Variants in ZNF566 observed in about 807,000 individuals in gnomAD.
The protein encoded by ZNF566 is zinc finger protein 566.
ZNF566 carries 27 observed loss-of-function variants against 32.8 expected under a neutral mutation model. That is an observed-to-expected ratio of 0.82 (90% confidence interval 0.61 to 1.14). ZNF566 has a LOEUF of 1.14. Among genes scored for constraint, ZNF566 ranks in the 50% most tolerant of loss-of-function variants. The pLI is 0.00. For missense variants in ZNF566, 402 were observed against 490.4 expected (o/e 0.82, Z 1.70); for synonymous variants, 154 against 159.5 (o/e 0.97, Z 0.26).
At chr19:36,455,746 AAAG>A (rs1348199239) in intron 4 of ZNF566, among the ~76,000 whole-genome samples, 1 of 131,702 alleles carries the variant, frequency 7.6e-6, no homozygotes, top group African/African-American at 2.9e-5. Flanking sequence ...TCTCAAAAAA[AAAG>A]AAGTAATAAG....
intron 4 of ZNF566, among the ~76,000 whole-genome samples, chr19:36,469,891 T>C (rs2033719902): frequency 6.6e-6 from 1 of 151,932 alleles, no homozygotes; most frequent in African/African-American, 2.4e-5. Flanking sequence ...AGCTTAACTA[T>C]GTAAGTATAA....
chr19:36,465,142 G>A (rs2145668641), intron 4 of ZNF566, among the ~76,000 whole-genome samples: 1 of 151,966 alleles, frequency 6.6e-6, no homozygotes, highest in South Asian at 2.1e-4. Flanking sequence ...CATATGGAAA[G>A]GTAATCATCT....
intron 2 of ZNF566, chr19:36,476,345 A>T: frequency 2.4e-6 from 1 of 419,528 alleles, no homozygotes. Context: ...AACAATGATT[A>T]TGTAATCAAT....
chr19:36,487,489 T>C (rs565637378), intron 1 of ZNF566, among the ~76,000 whole-genome samples: 1 of 152,310 alleles, frequency 6.6e-6, no homozygotes, highest in Admixed American at 6.5e-5. Context: ...ATCCCCAGTA[T>C]AGTGAGAGCT....
chr19:36,456,015 G>A (rs2033299760), intron 4 of ZNF566, among the ~76,000 whole-genome samples: 2 of 151,262 alleles, frequency 1.3e-5, no homozygotes, highest in African/African-American at 4.9e-5. Context: ...CTCCAGACTG[G>A]GTGACAGAGC....
At chr19:36,478,529 C>T (rs11665730) in intron 1 of ZNF566, among the ~76,000 whole-genome samples, 218 of 152,074 alleles carry the variant, frequency 1.4e-3, no homozygotes, top group Non-Finnish European at 2.6e-3. Context: ...CAACACTCCT[C>T]ATCTTTGCCC....
chr19:36,485,271 CAAAAAA>C (rs748231707), intron 1 of ZNF566, among the ~76,000 whole-genome samples: 3 of 81,948 alleles, frequency 3.7e-5, no homozygotes, highest in Non-Finnish European at 4.9e-5. Context: ...GCTATCTCTA[CAAAAAA>C]AAAAAAAAAA....
intron 1 of ZNF566, among the ~76,000 whole-genome samples, chr19:36,477,555 T>TTTTTTTTTTG (rs2033925754): frequency 2.2e-5 from 3 of 136,782 alleles, no homozygotes; most frequent in African/African-American, 2.8e-5. Flanking sequence ...GTTTGTTTTT[T>TTTTTTTTTTG]TGAGACGGAG....
Position 36,448,197 on chromosome 19 carries a change from A to G in ZNF566, c.*780T>C, listed in dbSNP as rs1032402265. On this transcript the variant is annotated 3_prime_UTR_variant, in exon 5 of 5. Transcript: ENST00000452939. ...CCTTTTTGTAATGTTTGCATCTTTT[A>G]TAAGGAAAATATATTCACACATTAC... 1.3e-5 allele frequency: 2 copies of G among 152,186 alleles called. No individual in the cohort carries two copies. Among genetic ancestry groups the G allele is most frequent in the African/African-American group, 4.8e-5 (2 of 41,450 alleles). The allele number at this position is 152,186 out of a possible 1,614,324, so 9.4% of individuals were successfully genotyped here.
chr19:36,472,671 C>A (rs1382854363), intron 4 of ZNF566, among the ~76,000 whole-genome samples: 1 of 151,942 alleles, frequency 6.6e-6, no homozygotes, highest in East Asian at 1.9e-4. Context: ...AAGAATATCA[C>A]TAGAAAGGGT....
At position 36,449,649 on chromosome 19, in the gene ZNF566, A is replaced by G; in HGVS notation, c.585T>C (p.Ile195=). The change falls in exon 5 of 5, where the codon ATT becomes ATC. Residue 195 remains isoleucine, a synonymous_variant. Transcript: ENST00000452939. ...ATTCCTTACATTCATAAGGCTTCTC[A>G]ATGGTATGAATTATCTCATGTGTAG... ...QFATHEIIHT[I]EKPYECKECG... is the part of the protein sequence containing the mutation. 4 of 1,614,154 alleles carry G rather than the reference A, an allele frequency of 2.5e-6. No homozygotes were observed. Among genetic ancestry groups the G allele is most frequent in the Non-Finnish European group, 3.4e-6 (4 of 1,180,024 alleles).
At chr19:36,465,047 A>G (rs2033577772) in intron 4 of ZNF566, among the ~76,000 whole-genome samples, 1 of 152,172 alleles carries the variant, frequency 6.6e-6, no homozygotes, top group African/African-American at 2.4e-5. Flanking sequence ...AGGAATTCCT[A>G]CAAATCTTAG....
intron 4 of ZNF566, among the ~76,000 whole-genome samples, chr19:36,468,939 TG>T (rs2033693947): frequency 6.6e-6 from 1 of 150,858 alleles, no homozygotes; most frequent in Non-Finnish European, 1.5e-5. Context: ...AAGCACCCTC[TG>T]GGAACCAATA....
chr19:36,484,831 C>T (rs1047609234), intron 1 of ZNF566, among the ~76,000 whole-genome samples: 26 of 152,004 alleles, frequency 1.7e-4, no homozygotes, highest in African/African-American at 6.3e-4. Flanking sequence ...CCTTGTGATC[C>T]GCCCACCTCG....
rs1483754168 is a variant in ZNF566, at chr19:36,472,934, T to G, written c.209A>C (p.Glu70Ala). The change falls in exon 4 of 5, where the codon GAG becomes GCG. Residue 70 changes from glutamate to alanine, a missense_variant. Physicochemically the swap from Glu to Ala is moderately radical, Grantham distance 107. This residue lies in a region of ZNF566 where 220 missense variants were observed against 241.9 expected (regional missense o/e 0.91). Coordinates refer to ENST00000452939, the MANE Select transcript of ZNF566 (RefSeq NM_001145344.1). Reference protein sequence around the residue: ...QGKEPWLADRELTRGQWPVLE... With the variant: ...QGKEPWLADRALTRGQWPVLE... ...ACCTGGCCACTGGCCTCTTGTTAGC[T>G]CTCTGTCAGCCAACCAGGGCTCCTT... 6.2e-7 allele frequency: 1 copy of G among 1,613,902 alleles called. No individual in the cohort carries two copies. The highest frequency in any genetic ancestry group is 1.3e-5 in the African/African-American group (1 of 74,918).
At chr19:36,465,979 G>T (rs1481077577) in intron 4 of ZNF566, among the ~76,000 whole-genome samples, 1 of 151,410 alleles carries the variant, frequency 6.6e-6, no homozygotes, top group Non-Finnish European at 1.5e-5. Flanking sequence ...TTTTATGTCA[G>T]TTTAATAGAA....
In ZNF566 at chr19:36,475,358, G is replaced by T. The variant is rs192570583; in HGVS notation, c.9+1191C>A. ...TTGGCCACTGACATCAATTTTTCATGGATGCTTAGTGAGGTGTGAGAGCTT... is the reference window on the plus strand; with the variant it reads ...TTGGCCACTGACATCAATTTTTCATTGATGCTTAGTGAGGTGTGAGAGCTT... On this transcript the variant is annotated intron_variant, in intron 2 of 4. Transcript: ENST00000452939. Among the ~76,000 whole-genome samples, 84 of 152,204 alleles carry T rather than the reference G, an allele frequency of 5.5e-4. No individual in the cohort carries two copies. In the Middle Eastern group the frequency reaches 0.01, roughly 18 times the overall value.
intron 1 of ZNF566, 53 bp from the exon 2 acceptor site, chr19:36,476,669 G>T: frequency 3.5e-6 from 5 of 1,442,834 alleles, no homozygotes; most frequent in African/African-American, 1.4e-5. Flanking sequence ...ACAGCTCCTG[G>T]CCCAGAATGA....
At chr19:36,465,005 T>C (rs1388954139) in intron 4 of ZNF566, among the ~76,000 whole-genome samples, 1 of 152,094 alleles carries the variant, frequency 6.6e-6, no homozygotes, top group African/African-American at 2.4e-5. Context: ...AAACATGCGA[T>C]TGATCAAAAA....
Sources: gnomAD v4.1 joint callset for allele counts (sites outside exome capture counted in the v4.1 genomes callset) on GRCh38, gnomAD v4.1.1 for gene constraint, gnomAD v4.1.1 regional missense constraint, MANE v1.5 for transcripts, NCBI Gene and HGNC (gene_info 2026-07-23, HGNC 2026-07-21) for gene names.